MAGI1: variants seen among roughly 807,000 people sequenced by gnomAD.
The protein encoded by MAGI1 is membrane-associated guanylate kinase, WW and PDZ domain-containing protein 1.
A neutral mutation model predicts 139.9 loss-of-function variants in MAGI1; 58 were observed. That is an observed-to-expected ratio of 0.41 (90% CI 0.34 to 0.52). The LOEUF (loss-of-function observed/expected upper bound fraction) is 0.52, where lower values mean the gene tolerates loss of function less well. MAGI1 is among the 20% of genes least tolerant of loss of function. The pLI, the probability that MAGI1 is intolerant of heterozygous loss-of-function variation, is 0.12. For synonymous variants in MAGI1, 812 were observed against 737.9 expected, an observed-to-expected ratio of 1.10 and a Z score of -1.63; for missense variants, 1,874 against 1,901.6, an observed-to-expected ratio of 0.99 and a Z score of 0.27.
intron 2 of MAGI1, among the ~76,000 whole-genome samples, chr3:65,563,887 AT>A (rs2080483099): frequency 1.3e-5 from 2 of 152,292 alleles, no homozygotes; most frequent in Non-Finnish European, 2.9e-5. Context: ...TTATATTCAT[AT>A]TCATTATTAT....
At chr3:65,550,575 T>C (rs2079774591) in intron 2 of MAGI1, among the ~76,000 whole-genome samples, 1 of 152,180 alleles carries the variant, frequency 6.6e-6, no homozygotes, top group African/African-American at 2.4e-5. Context: ...TAGTTTCAGG[T>C]GGACCACAGC....
intron 14 of MAGI1, among the ~76,000 whole-genome samples, chr3:65,385,571 A>G (rs1327916519): frequency 6.6e-6 from 1 of 152,228 alleles, no homozygotes; most frequent in Non-Finnish European, 1.5e-5. Flanking sequence ...TGATTCACCC[A>G]CAAACTTAAA....
At chr3:65,444,908 A>G (rs941472814) in intron 7 of MAGI1, among the ~76,000 whole-genome samples, 9 of 152,228 alleles carry the variant, frequency 5.9e-5, no homozygotes, top group Non-Finnish European at 1.2e-4. Context: ...TTAATCATAG[A>G]AATTAGTCTC....
At chr3:65,799,475 T>C (rs1400792800) in intron 1 of MAGI1, among the ~76,000 whole-genome samples, 3 of 151,990 alleles carry the variant, frequency 2.0e-5, no homozygotes, top group Non-Finnish European at 4.4e-5. Flanking sequence ...TACTGGAGAG[T>C]CTCTATCTGC....
chr3:65,747,718 G>A (rs2035818542), intron 1 of MAGI1, among the ~76,000 whole-genome samples: 1 of 152,136 alleles, frequency 6.6e-6, no homozygotes, highest in Non-Finnish European at 1.5e-5. Context: ...GTTAAGAAGA[G>A]AAACTGCGGG....
At chr3:65,537,691 T>C (rs2079024486) in intron 2 of MAGI1, among the ~76,000 whole-genome samples, 1 of 152,138 alleles carries the variant, frequency 6.6e-6, no homozygotes, top group African/African-American at 2.4e-5. Context: ...CGCCTTCCAC[T>C]GAAAAAAATC....
chr3:65,942,250 A>C (rs1398385927), intron 1 of MAGI1, among the ~76,000 whole-genome samples: 2 of 152,068 alleles, frequency 1.3e-5, no homozygotes, highest in African/African-American at 4.8e-5. Flanking sequence ...AACCACCAAA[A>C]GGAGAAATCC....
chr3:65,413,127 C>T (rs2107211598), intron 12 of MAGI1, among the ~76,000 whole-genome samples: 1 of 152,248 alleles, frequency 6.6e-6, no homozygotes, highest in Admixed American at 6.5e-5. Context: ...ATCCATGAAT[C>T]TCTTGAGCAG....
chr3:65,511,625 C>A (rs1464924373), intron 2 of MAGI1, among the ~76,000 whole-genome samples: 9 of 135,346 alleles, frequency 6.6e-5, no homozygotes, highest in Non-Finnish European at 1.4e-4. Flanking sequence ...TATATATGCA[C>A]CCAATACAGG....
intron 1 of MAGI1, among the ~76,000 whole-genome samples, chr3:65,801,674 C>T (rs2040525181): frequency 6.6e-6 from 1 of 152,178 alleles, no homozygotes; most frequent in Non-Finnish European, 1.5e-5. Context: ...TTAAAAAATG[C>T]AGATAGGTTT....
intron 1 of MAGI1, among the ~76,000 whole-genome samples, chr3:65,657,784 G>GC (rs2085965790): frequency 6.6e-6 from 1 of 152,116 alleles, no homozygotes. Context: ...AAACCACCTT[G>GC]CATGATGACC....
intron 1 of MAGI1, among the ~76,000 whole-genome samples, chr3:65,888,090 T>C (rs944209355): frequency 1.8e-4 from 28 of 152,184 alleles, no homozygotes; most frequent in African/African-American, 5.1e-4. Context: ...AGGTGCCCAG[T>C]TGATTAGCGA....
intron 1 of MAGI1, among the ~76,000 whole-genome samples, chr3:65,853,350 T>C (rs1472452364): frequency 6.6e-6 from 1 of 152,222 alleles, no homozygotes; most frequent in Non-Finnish European, 1.5e-5. Context: ...TAAATAGTTC[T>C]ATAAGTACAT....
At chr3:65,700,267 T>C (rs2089505703) in intron 1 of MAGI1, among the ~76,000 whole-genome samples, 1 of 151,836 alleles carries the variant, frequency 6.6e-6, no homozygotes, top group Admixed American at 6.6e-5. Flanking sequence ...CATAGTGAAA[T>C]CCGGCCTCTA....
chr3:65,828,367 C>A (rs72896075), intron 1 of MAGI1, among the ~76,000 whole-genome samples: 7,901 of 152,208 alleles, frequency 0.052, 263 homozygotes, highest in African/African-American at 0.088. Flanking sequence ...ATTTCTCACC[C>A]CCCAAACTCA....
At chr3:65,915,259 G>C (rs1163036801) in intron 1 of MAGI1, among the ~76,000 whole-genome samples, 1 of 152,202 alleles carries the variant, frequency 6.6e-6, no homozygotes, top group Non-Finnish European at 1.5e-5. Flanking sequence ...CATTTGAACA[G>C]CAGCTTGTAC....
chr3:65,473,296 G>A (rs1179961007), intron 4 of MAGI1, among the ~76,000 whole-genome samples: 1 of 152,170 alleles, frequency 6.6e-6, no homozygotes, highest in Non-Finnish European at 1.5e-5. Flanking sequence ...TTCTAGCTGT[G>A]TGGCTTTAAC....
rs537762899 is a variant in MAGI1 at position 65,582,996 on chromosome 3, G to A, written c.430+38976C>T. Among the ~76,000 whole-genome samples the A allele has an allele frequency of 5.3e-5, 8 of 152,272 alleles. No individual in the cohort carries two copies. The South Asian group carries it at 1.7e-3, about 32-fold the overall frequency. ...GTTAAAAATAAGTCAAACCAAACAAGTGAAATGCACTTAATAGTGTATTTT... is the reference window on the plus strand; with the variant it reads ...GTTAAAAATAAGTCAAACCAAACAAATGAAATGCACTTAATAGTGTATTTT... On this transcript the variant is annotated intron_variant, in intron 2 of 22. Coordinates refer to ENST00000402939, the MANE Select transcript of MAGI1 (RefSeq NM_001033057.2).
intron 1 of MAGI1, among the ~76,000 whole-genome samples, chr3:65,654,878 T>C (rs77742905): frequency 6.6e-6 from 1 of 152,338 alleles, no homozygotes; most frequent in East Asian, 1.9e-4. Context: ...ACATTGACTT[T>C]ATTGCCCAGT....
Sources: gnomAD v4.1 joint callset for allele counts (sites outside exome capture counted in the v4.1 genomes callset) on GRCh38, gnomAD v4.1.1 for gene constraint, MANE v1.5 for transcripts, NCBI Gene and HGNC (gene_info 2026-07-23, HGNC 2026-07-21) for gene names.